Variants in TXNDC16 observed in about 807,000 individuals in gnomAD.
TXNDC16 encodes thioredoxin domain containing 16.
A neutral mutation model predicts 85.6 loss-of-function variants in TXNDC16; 74 were observed. The ratio of observed to expected loss-of-function variants is 0.86; its 90% CI spans 0.72 to 1.05. TXNDC16 has a LOEUF of 1.05. Among genes scored for constraint, TXNDC16 ranks in the 50% least tolerant of loss-of-function variants. TXNDC16 has a pLI of 0.00. For missense variants in TXNDC16, 959 were observed against 947.0 expected (o/e 1.01, Z -0.17); for synonymous variants, 335 against 326.5 (o/e 1.03, Z -0.28).
At chr14:52,497,759 T>C (rs957885486) in intron 9 of TXNDC16, among the ~76,000 whole-genome samples, 1 of 151,226 alleles carries the variant, frequency 6.6e-6, no homozygotes, top group African/African-American at 2.4e-5. Context: ...CATGCACCTG[T>C]AATCCCAGCT....
At chr14:52,462,089 T>A (rs1221752497) in intron 16 of TXNDC16, among the ~76,000 whole-genome samples, 1 of 152,246 alleles carries the variant, frequency 6.6e-6, no homozygotes, top group Non-Finnish European at 1.5e-5. Flanking sequence ...ATATCACACA[T>A]ACATAACACA....
In TXNDC16 at chr14:52,490,374, T is replaced by C. The variant is rs1297825235; in HGVS notation, c.984+17A>G. ...TAAATAAACAGATATTGTAGAACAA[T>C]ACATAAAACAACTAACCTCTTCTGC... On this transcript the variant is annotated intron_variant, in intron 11 of 20. Coordinates refer to ENST00000281741, the MANE Select transcript of TXNDC16 (RefSeq NM_020784.3). The C allele has an allele frequency of 1.3e-6, 2 of 1,564,226 alleles. No individual in the cohort carries two copies. The highest frequency in any genetic ancestry group is 1.7e-6 in the Non-Finnish European group (2 of 1,155,010).
chr14:52,462,768 G>A (rs1049129645), intron 16 of TXNDC16: 8 of 369,134 alleles, frequency 2.2e-5, no homozygotes, highest in South Asian at 4.2e-5. Context: ...CTTCTAAAGT[G>A]TAGCATTTTT....
chr14:52,535,981 G>A (rs184757121), intron 6 of TXNDC16, among the ~76,000 whole-genome samples: 1 of 151,862 alleles, frequency 6.6e-6, no homozygotes, highest in East Asian at 1.9e-4. Context: ...CCAATATCAC[G>A]CCACTGTGCT....
At chr14:52,529,141 GC>G (rs1242775059) in intron 6 of TXNDC16, among the ~76,000 whole-genome samples, 2 of 151,106 alleles carry the variant, frequency 1.3e-5, no homozygotes, top group African/African-American at 4.9e-5. Flanking sequence ...GGAATACTAT[GC>G]AGCCATAAAA....
At chr14:52,534,598 T>C (rs1594762035) in intron 6 of TXNDC16, among the ~76,000 whole-genome samples, 1 of 152,184 alleles carries the variant, frequency 6.6e-6, no homozygotes, top group South Asian at 2.1e-4. Context: ...TTAACATTCA[T>C]CCCAACTGCC....
intron 9 of TXNDC16, among the ~76,000 whole-genome samples, chr14:52,493,254 T>A (rs1264109937): frequency 1.4e-4 from 20 of 137,938 alleles, no homozygotes; most frequent in African/African-American, 5.1e-4. Context: ...AGTCACCAAG[T>A]CCCACCAATG....
intron 19 of TXNDC16, 80 bp downstream of exon 19, chr14:52,440,484 A>G (rs900917977): frequency 8.2e-7 from 1 of 1,216,152 alleles, no homozygotes; most frequent in Non-Finnish European, 1.1e-6. Flanking sequence ...AAAGAGTTAG[A>G]GAGTTTCGTT....
chr14:52,460,235 T>C (rs1566539210), intron 16 of TXNDC16, among the ~76,000 whole-genome samples: 1 of 151,984 alleles, frequency 6.6e-6, no homozygotes. Context: ...ATTAGATCTC[T>C]GCAAGGAGAA....
At chr14:52,529,169 C>A (rs903097729) in intron 6 of TXNDC16, among the ~76,000 whole-genome samples, 2 of 150,974 alleles carry the variant, frequency 1.3e-5, no homozygotes, top group African/African-American at 4.9e-5. Context: ...GAGTTCATGT[C>A]CTCTGTAGGG....
intron 1 of TXNDC16, among the ~76,000 whole-genome samples, chr14:52,548,661 C>T (rs541656525): frequency 6.6e-6 from 1 of 152,206 alleles, no homozygotes; most frequent in East Asian, 1.9e-4. Context: ...ACGGGTGGAT[C>T]ACCTGAGGTC....
intron 4 of TXNDC16, among the ~76,000 whole-genome samples, chr14:52,539,344 T>C (rs1378630943): frequency 6.6e-6 from 1 of 152,074 alleles, no homozygotes. Context: ...GAGGGGAAAA[T>C]ATCTGCAAAG....
intron 16 of TXNDC16, among the ~76,000 whole-genome samples, chr14:52,465,785 GAGA>G (rs1314551666): frequency 6.6e-6 from 1 of 152,162 alleles, no homozygotes; most frequent in African/African-American, 2.4e-5. Flanking sequence ...TCTAAGTAAA[GAGA>G]AGGTGTGATA....
intron 18 of TXNDC16, 44 bp from the exon 19 acceptor site, chr14:52,440,768 A>T: frequency 6.5e-7 from 1 of 1,536,992 alleles, no homozygotes; most frequent in Non-Finnish European, 8.9e-7. Flanking sequence ...TGCATTGGGG[A>T]TGATAATGCA....
Position 52,530,416 on chromosome 14 carries a change from T to C in TXNDC16, c.392+6303A>G, listed in dbSNP as rs1423447848. On this transcript the variant is annotated intron_variant, in intron 6 of 20. Transcript: ENST00000281741. ...TATAATATAATATATAATTATTATA[T>C]AATATTATATATAATAATATATAAT... Among the ~76,000 whole-genome samples, 2 of 27,812 alleles carry C rather than the reference T, an allele frequency of 7.2e-5. 1 individual carries two copies. Among genetic ancestry groups the C allele is most frequent in the Non-Finnish European group, 1.1e-4 (2 of 18,772 alleles). The allele number at this position is 27,812 out of a possible 152,430, so 18.2% of individuals were successfully genotyped here.
At chr14:52,511,413 C>G (rs1408529751) in intron 8 of TXNDC16, 23 bp from the exon 9 acceptor site, 3 of 1,517,010 alleles carry the variant, frequency 2.0e-6, no homozygotes, top group Non-Finnish European at 2.7e-6. Context: ...AATTAATTAA[C>G]TTAATGAAGT....
intron 6 of TXNDC16, among the ~76,000 whole-genome samples, chr14:52,524,922 A>G (rs962638233): frequency 6.6e-6 from 1 of 151,678 alleles, no homozygotes; most frequent in Non-Finnish European, 1.5e-5. Context: ...GGAGTTTGAG[A>G]CCAGCCTGGC....
chr14:52,482,784 T>G, intron 13 of TXNDC16, 38 bp downstream of exon 13: 1 of 1,536,714 alleles, frequency 6.5e-7, no homozygotes, highest in Non-Finnish European at 8.7e-7. Flanking sequence ...TTTTTAAATG[T>G]CCTAATATGT....
At chr14:52,496,906 C>A (rs538700495) in intron 9 of TXNDC16, among the ~76,000 whole-genome samples, 1 of 152,140 alleles carries the variant, frequency 6.6e-6, no homozygotes, top group South Asian at 2.1e-4. Flanking sequence ...CCACTGCACG[C>A]ACCCTAATTA....
Sources: allele counts gnomAD v4.1 joint callset (sites outside exome capture counted in the v4.1 genomes callset), GRCh38; gene constraint gnomAD v4.1.1; transcripts MANE v1.5; gene names NCBI Gene and HGNC (gene_info 2026-07-23, HGNC 2026-07-21).